NR1H4: variants seen among roughly 807,000 people sequenced by gnomAD.
NR1H4 encodes the protein nuclear receptor subfamily 1 group H member 4.
NR1H4 carries 23 observed loss-of-function variants against 58.5 expected under a neutral mutation model. The ratio of observed to expected loss-of-function variants is 0.39; its 90% CI spans 0.28 to 0.56. NR1H4 has a LOEUF of 0.56. Ranked by LOEUF, NR1H4 falls within the 20% of genes least tolerant of loss-of-function variation. The pLI, the probability that NR1H4 is intolerant of heterozygous loss-of-function variation, is 0.58. For missense variants in NR1H4, 487 were observed against 576.9 expected, an observed-to-expected ratio of 0.84 and a Z score of 1.60; for synonymous variants, 214 against 198.0, an observed-to-expected ratio of 1.08 and a Z score of -0.68.
At chr12:100,504,148 A>G (rs904484020) in intron 3 of NR1H4, among the ~76,000 whole-genome samples, 1 of 152,210 alleles carries the variant, frequency 6.6e-6, no homozygotes, top group African/African-American at 2.4e-5. Context: ...GAAAAATCAG[A>G]TAAGCACAGA....
intron 3 of NR1H4, among the ~76,000 whole-genome samples, chr12:100,494,126 C>A (rs1953661458): frequency 1.3e-5 from 2 of 152,144 alleles, no homozygotes; most frequent in Admixed American, 1.3e-4. Flanking sequence ...AGTTTTCACC[C>A]TCCGTTAATA....
intron 3 of NR1H4, among the ~76,000 whole-genome samples, chr12:100,506,131 T>C (rs1281083585): frequency 6.6e-6 from 1 of 152,068 alleles, no homozygotes; most frequent in Non-Finnish European, 1.5e-5. Flanking sequence ...CAAGACAGAC[T>C]GTGTTAATAA....
At chr12:100,549,407 C>G (rs922024381) in intron 9 of NR1H4, among the ~76,000 whole-genome samples, 1 of 152,020 alleles carries the variant, frequency 6.6e-6, no homozygotes, top group Non-Finnish European at 1.5e-5. Flanking sequence ...GAATGGCACA[C>G]CTTCCCTGTA....
At chr12:100,532,323 T>C in intron 4 of NR1H4, 135 bp from the exon 5 acceptor site, 1 of 721,582 alleles carries the variant, frequency 1.4e-6, no homozygotes, top group South Asian at 1.7e-5. Flanking sequence ...TATTTGTCAC[T>C]GGTGTGCTCA....
chr12:100,514,803 CTATAT>C (rs139029518), intron 4 of NR1H4, among the ~76,000 whole-genome samples: 3,238 of 152,122 alleles, frequency 0.021, 128 homozygotes, highest in East Asian at 0.15. Flanking sequence ...ATAGCATAAG[CTATAT>C]TATATTATAA....
At chr12:100,535,181 A>T (rs145349334) in intron 6 of NR1H4, among the ~76,000 whole-genome samples, 158 bp downstream of exon 6, 4 of 152,370 alleles carry the variant, frequency 2.6e-5, no homozygotes, top group Middle Eastern at 3.4e-3. Context: ...GCTTTGATGT[A>T]AACATTCAAA....
At chr12:100,514,493 G>C (rs1954213030) in intron 4 of NR1H4, among the ~76,000 whole-genome samples, 1 of 152,142 alleles carries the variant, frequency 6.6e-6, no homozygotes, top group Non-Finnish European at 1.5e-5. Flanking sequence ...GTGGGGGGAT[G>C]TCTTGTACAT....
chr12:100,499,315 A>T (rs1953782097), intron 3 of NR1H4, among the ~76,000 whole-genome samples: 1 of 152,244 alleles, frequency 6.6e-6, no homozygotes, highest in Non-Finnish European at 1.5e-5. Flanking sequence ...AAAGATAGAG[A>T]GATACCATTG....
chr12:100,503,144 A>G (rs1953874187), intron 3 of NR1H4, among the ~76,000 whole-genome samples: 1 of 152,198 alleles, frequency 6.6e-6, no homozygotes, highest in Non-Finnish European at 1.5e-5. Flanking sequence ...CTCCAAGTCC[A>G]GTTTTAGAGC....
chr12:100,483,062 A>T (rs574089999), intron 1 of NR1H4, among the ~76,000 whole-genome samples: 36 of 152,252 alleles, frequency 2.4e-4, no homozygotes, highest in African/African-American at 8.4e-4. Context: ...AGTAGCTGGG[A>T]CTACAGGCGT....
intron 9 of NR1H4, among the ~76,000 whole-genome samples, chr12:100,542,360 C>T (rs943330979): frequency 6.6e-6 from 1 of 151,826 alleles, no homozygotes; most frequent in African/African-American, 2.4e-5. Context: ...AAAAAAGAAG[C>T]TTTGTGTCTT....
At chr12:100,510,347 A>G (rs1378011946) in intron 3 of NR1H4, among the ~76,000 whole-genome samples, 1 of 152,114 alleles carries the variant, frequency 6.6e-6, no homozygotes, top group Non-Finnish European at 1.5e-5. Context: ...TAAACTTTTT[A>G]AACCCTCACA....
intron 9 of NR1H4, among the ~76,000 whole-genome samples, chr12:100,542,982 G>T (rs1220899537): frequency 6.6e-6 from 1 of 152,140 alleles, no homozygotes. Context: ...AATGGGAAGA[G>T]ATTAACTGTC....
chr12:100,561,280 C>T (rs1443468987), intron 9 of NR1H4, among the ~76,000 whole-genome samples: 1 of 152,124 alleles, frequency 6.6e-6, no homozygotes, highest in African/African-American at 2.4e-5. Context: ...AGCCTGTAGT[C>T]CCAGCTACTG....
intron 3 of NR1H4, among the ~76,000 whole-genome samples, chr12:100,497,264 C>T (rs1427705056): frequency 1.3e-5 from 2 of 152,112 alleles, no homozygotes; most frequent in African/African-American, 4.8e-5. Context: ...TGTTTTTGAG[C>T]TCAGGCCAAG....
Position 100,491,371 on chromosome 12 carries a change from G to A in NR1H4, c.-189-1132G>A, listed in dbSNP as rs148332518. The stretch of plus-strand genomic sequence containing the variant: ...TATGGCATAGTTGTTTGAGGATGAG[G>A]GTGAGGTTGAAGTGAGTTCTCTCTC... On this transcript the variant is annotated intron_variant, in intron 1 of 10. Transcript: ENST00000392986. Among the ~76,000 whole-genome samples, 324 of 151,666 alleles carry A rather than the reference G, an allele frequency of 2.1e-3. 3 individuals are homozygous for A. Among genetic ancestry groups the A allele is most frequent in the African/African-American group, 6.3e-3 (260 of 41,364 alleles).
At position 100,540,805 on chromosome 12, in the gene NR1H4, A is replaced by G; in HGVS notation, c.1065A>G (p.Arg355=). The change falls in exon 9 of 11, where the codon AGA becomes AGG. Residue 355 remains arginine (R), a synonymous_variant. Transcript: ENST00000392986. ...PSGHSDLLEE[R]IRNSGISDEY... is the part of the protein sequence containing the mutation. ...GGCATTCTGACCTATTGGAAGAAAG[A>G]ATTCGAAATAGTGGTAAGTGATTTG... is the stretch of plus-strand genomic sequence containing the variant. The G allele has an allele frequency of 6.2e-7, 1 of 1,614,160 alleles. No individual in the cohort carries two copies.
chr12:100,537,697 T>C (rs541595155), intron 8 of NR1H4, among the ~76,000 whole-genome samples: 50 of 152,230 alleles, frequency 3.3e-4, no homozygotes, highest in African/African-American at 1.2e-3. Flanking sequence ...AGTTGAGAGA[T>C]CTGCTTGTTT....
In NR1H4 at chr12:100,532,510, G is replaced by T; in HGVS notation, c.498G>T (p.Gly166=). ...TKNAVYKCKN[G]GNCVMDMYMR... ...ACGCTGTGTACAAGTGTAAAAACGG[G>T]GGCAACTGTGTGATGGATATGTACA... is the stretch of plus-strand genomic sequence containing the variant. The change falls in exon 5 of 11, where the codon GGG becomes GGT. Residue 166 remains glycine, a synonymous_variant. Coordinates refer to ENST00000392986, the MANE Select transcript of NR1H4 (RefSeq NM_001206979.2). 4 of 1,614,096 alleles carry T rather than the reference G, an allele frequency of 2.5e-6. No homozygotes were observed. Among genetic ancestry groups the T allele is most frequent in the Non-Finnish European group, 3.4e-6 (4 of 1,179,960 alleles).
Sources: gnomAD v4.1 joint callset for allele counts (sites outside exome capture counted in the v4.1 genomes callset) on GRCh38, gnomAD v4.1.1 for gene constraint, MANE v1.5 for transcripts, NCBI Gene and HGNC (gene_info 2026-07-23, HGNC 2026-07-21) for gene names.